Variants in RIMS1 observed in about 807,000 individuals in gnomAD.
RIMS1 encodes regulating synaptic membrane exocytosis 1.
A neutral mutation model predicts 214.1 loss-of-function variants in RIMS1; 83 were observed. The observed-to-expected ratio is 0.39, with a 90% confidence interval of 0.32 to 0.47. The LOEUF (loss-of-function observed/expected upper bound fraction) is 0.47. Ranked by LOEUF, RIMS1 falls within the 20% of genes least tolerant of loss-of-function variation. The pLI, the probability that RIMS1 is intolerant of heterozygous loss-of-function variation, is 0.99. For synonymous variants in RIMS1, 793 were observed against 786.8 expected, an observed-to-expected ratio of 1.01 and a Z score of -0.13; for missense variants, 2,050 against 2,161.8, an observed-to-expected ratio of 0.95 and a Z score of 1.03.
At chr6:72,383,842 A>T (rs142553052) in intron 29 of RIMS1, among the ~76,000 whole-genome samples, 16 of 152,138 alleles carry the variant, frequency 1.1e-4, no homozygotes, top group African/African-American at 3.9e-4. Context: ...AAAAAAATTA[A>T]TTTTTACAAA....
intron 6 of RIMS1, among the ~76,000 whole-genome samples, chr6:72,201,177 A>T (rs1589026343): frequency 6.6e-6 from 1 of 152,312 alleles, no homozygotes; most frequent in East Asian, 1.9e-4. Context: ...CATTTGAAAG[A>T]AATTTCTATT....
chr6:71,901,842 G>C (rs1011986535), intron 1 of RIMS1, among the ~76,000 whole-genome samples: 2 of 152,110 alleles, frequency 1.3e-5, no homozygotes, highest in Non-Finnish European at 2.9e-5. Flanking sequence ...CTACGAAAGA[G>C]CTATTGTATT....
At chr6:72,196,700 C>T (rs557850130) in intron 6 of RIMS1, among the ~76,000 whole-genome samples, 2 of 148,648 alleles carry the variant, frequency 1.3e-5, no homozygotes, top group Non-Finnish European at 3.0e-5. Context: ...CCATAAAATA[C>T]TCATAAAAGT....
intron 6 of RIMS1, among the ~76,000 whole-genome samples, chr6:72,193,442 A>G (rs1034722265): frequency 6.6e-6 from 1 of 152,178 alleles, no homozygotes; most frequent in Non-Finnish European, 1.5e-5. Context: ...ATTTTAACCA[A>G]TCTCAGCCTT....
chr6:72,354,503 C>T (rs2097565208), intron 29 of RIMS1, among the ~76,000 whole-genome samples: 1 of 152,106 alleles, frequency 6.6e-6, no homozygotes, highest in South Asian at 2.1e-4. Context: ...TTACAGAGCA[C>T]ATCTTTAACA....
chr6:72,092,649 G>C (rs1159263615), intron 2 of RIMS1, among the ~76,000 whole-genome samples: 2 of 152,176 alleles, frequency 1.3e-5, no homozygotes, highest in Non-Finnish European at 2.9e-5. Context: ...GCATTGAGAA[G>C]GATGTGATTC....
chr6:72,272,964 G>A (rs116110793), intron 22 of RIMS1, among the ~76,000 whole-genome samples: 2,584 of 152,156 alleles, frequency 0.017, 28 homozygotes, highest in African/African-American at 0.022. Flanking sequence ...ATTAAATAAA[G>A]TTAATGCAAA....
intron 4 of RIMS1, among the ~76,000 whole-genome samples, chr6:72,178,610 T>C (rs1329472102): frequency 6.6e-6 from 1 of 152,198 alleles, no homozygotes; most frequent in Non-Finnish European, 1.5e-5. Context: ...TGGAGGCATG[T>C]AACTGAGGCA....
intron 29 of RIMS1, among the ~76,000 whole-genome samples, chr6:72,387,464 A>G (rs2098633575): frequency 6.6e-6 from 1 of 152,356 alleles, no homozygotes; most frequent in African/African-American, 2.4e-5. Flanking sequence ...TCTGGCCAGT[A>G]TGTGGCCATG....
chr6:71,972,552 A>G (rs1482571), intron 2 of RIMS1, among the ~76,000 whole-genome samples: 112,310 of 152,010 alleles, frequency 0.74, 41,786 homozygotes, highest in East Asian at 0.98. Flanking sequence ...AACTATCCAA[A>G]TGTTCCTTTT....
At chr6:72,232,862 A>G (rs1318754968) in intron 6 of RIMS1, among the ~76,000 whole-genome samples, 2 of 151,826 alleles carry the variant, frequency 1.3e-5, no homozygotes, top group Non-Finnish European at 3.0e-5. Flanking sequence ...TATGATCTTT[A>G]CAGGCATCAA....
rs1344307473 is a variant in RIMS1, at chr6:72,402,102, A to G, written c.*1388A>G. On this transcript the variant is annotated 3_prime_UTR_variant, in exon 34 of 34. Transcript: ENST00000521978. ...TATGAGTCACTCCACTTTTGTGATT[A>G]CACAAATAGAGCAGCATGACTTGGA... The G allele has an allele frequency of 2.0e-5, 3 of 152,372 alleles. No homozygotes were observed. The highest frequency in any genetic ancestry group is 3.9e-4 in the East Asian group (2 of 5,190). 9.4% of individuals were successfully genotyped at this position (152,372 alleles called of 1,614,324 possible).
intron 29 of RIMS1, among the ~76,000 whole-genome samples, chr6:72,363,987 GAGGC>G (rs1056251514): frequency 1.3e-5 from 2 of 152,196 alleles, no homozygotes; most frequent in Non-Finnish European, 2.9e-5. Context: ...GCTGATCCCA[GAGGC>G]ACCATGCCTT....
At chr6:71,971,035 T>A (rs1795721880) in intron 2 of RIMS1, among the ~76,000 whole-genome samples, 1 of 152,092 alleles carries the variant, frequency 6.6e-6, no homozygotes, top group South Asian at 2.1e-4. Flanking sequence ...TTTTTAAAAA[T>A]AAAAGATAAT....
intron 2 of RIMS1, among the ~76,000 whole-genome samples, chr6:72,061,646 C>T (rs960054539): frequency 6.6e-6 from 1 of 152,200 alleles, no homozygotes; most frequent in Non-Finnish European, 1.5e-5. Flanking sequence ...ACCCTTTGTT[C>T]CCGGACCCTC....
chr6:72,114,701 C>T (rs1443357962), intron 4 of RIMS1, among the ~76,000 whole-genome samples: 1 of 151,686 alleles, frequency 6.6e-6, no homozygotes, highest in Non-Finnish European at 1.5e-5. Flanking sequence ...CTTCTCTGTA[C>T]CTTTTTTTTC....
At chr6:71,971,228 A>G (rs188332719) in intron 2 of RIMS1, among the ~76,000 whole-genome samples, 7 of 152,300 alleles carry the variant, frequency 4.6e-5, no homozygotes, top group Non-Finnish European at 1.0e-4. Flanking sequence ...TGTATAGATA[A>G]TATGTATTAT....
At position 72,174,580 on chromosome 6, in the gene RIMS1, T is replaced by C. The variant is rs149934538; in HGVS notation, c.472-4995T>C. On this transcript the variant is annotated intron_variant, in intron 4 of 33. Transcript: ENST00000521978. ...CAACACACTTTTCACTGCAGAGTTC[T>C]GTGTTAATGTGAAAGGTTATAAGCA... Among the ~76,000 whole-genome samples the C allele has an allele frequency of 5.8e-3, 876 of 152,318 alleles. 29 individuals carry two copies. The highest frequency in any genetic ancestry group is 0.044 in the Admixed American group (668 of 15,304).
At chr6:72,215,744 GCAAA>G (rs142123297) in intron 6 of RIMS1, among the ~76,000 whole-genome samples, 1,744 of 152,252 alleles carry the variant, frequency 0.011, 10 homozygotes, top group Non-Finnish European at 0.018. Flanking sequence ...AGAAAAAAAA[GCAAA>G]CAGATTCTGA....
Sources: gnomAD v4.1 joint callset for allele counts (sites outside exome capture counted in the v4.1 genomes callset) on GRCh38, gnomAD v4.1.1 for gene constraint, MANE v1.5 for transcripts, NCBI Gene and HGNC (gene_info 2026-07-23, HGNC 2026-07-21) for gene names.